Variants in CCSER1 observed in about 807,000 individuals in gnomAD.
CCSER1 encodes coiled-coil serine rich protein 1.
CCSER1 carries 41 observed loss-of-function variants against 82.0 expected under a neutral mutation model. The ratio of observed to expected loss-of-function variants is 0.50; its 90% CI spans 0.39 to 0.65. CCSER1 has a LOEUF of 0.65. Among genes scored for constraint, CCSER1 ranks in the 30% least tolerant of loss-of-function variants. The probability of loss-of-function intolerance (pLI) is 0.00; values close to 1 mark genes in which losing one functional copy is unlikely to be tolerated. For missense variants in CCSER1, 1,119 were observed against 1,064.2 expected (o/e 1.05, Z -0.72); for synonymous variants, 414 against 383.9 (o/e 1.08, Z -0.92).
intron 10 of CCSER1, among the ~76,000 whole-genome samples, chr4:91,433,813 T>C (rs962021048): frequency 3.9e-5 from 6 of 152,368 alleles, no homozygotes; most frequent in African/African-American, 1.4e-4. Context: ...GTCTTGTTTA[T>C]CAAAGTGTCC....
chr4:90,403,429 G>A (rs1753196109), intron 4 of CCSER1, among the ~76,000 whole-genome samples: 1 of 148,582 alleles, frequency 6.7e-6, no homozygotes. Context: ...AACCCGGGAG[G>A]CGGAGCTTGC....
intron 10 of CCSER1, among the ~76,000 whole-genome samples, chr4:91,481,446 G>A (rs186206913): frequency 3.1e-4 from 47 of 152,130 alleles, no homozygotes; most frequent in Admixed American, 7.9e-4. Flanking sequence ...CACAAATCAG[G>A]TTGGTTGAGG....
chr4:90,438,560 A>G (rs78782524), intron 4 of CCSER1, among the ~76,000 whole-genome samples: 2,575 of 152,288 alleles, frequency 0.017, 70 homozygotes, highest in African/African-American at 0.059. Flanking sequence ...ACAAATTTAG[A>G]AAAAGTAAAG....
intron 5 of CCSER1, among the ~76,000 whole-genome samples, chr4:90,529,643 G>GT (rs1347135926): frequency 1.3e-5 from 2 of 152,112 alleles, no homozygotes; most frequent in African/African-American, 4.8e-5. Flanking sequence ...GAAACTAGTT[G>GT]TTTTTAGAGA....
At chr4:90,872,319 G>T (rs1024567914) in intron 8 of CCSER1, among the ~76,000 whole-genome samples, 4 of 150,866 alleles carry the variant, frequency 2.7e-5, no homozygotes, top group African/African-American at 9.7e-5. Context: ...ATTTTCTCTG[G>T]TGGTATGATT....
intron 10 of CCSER1, among the ~76,000 whole-genome samples, chr4:91,337,507 A>G (rs1391465791): frequency 3.9e-5 from 6 of 152,108 alleles, no homozygotes; most frequent in Non-Finnish European, 8.8e-5. Flanking sequence ...TATTCCATGC[A>G]TTAGGCATCT....
At position 91,443,319 on chromosome 4, in the gene CCSER1, T is replaced by C. The variant is rs1363230334; in HGVS notation, c.2218-155253T>C. On this transcript the variant is annotated intron_variant, in intron 10 of 10. Transcript: ENST00000509176. ...TAAAAAATGATGAGTTCATGTGCTT[T>C]GTAGAGACATGGATGAAACTGGAAA... Among the ~76,000 whole-genome samples the C allele has an allele frequency of 3.3e-5, 5 of 152,252 alleles. 1 individual carries two copies. Among genetic ancestry groups the C allele is most frequent in the Admixed American group, 2.6e-4 (4 of 15,288 alleles).
intron 4 of CCSER1, among the ~76,000 whole-genome samples, chr4:90,420,244 A>G (rs538390429): frequency 5.3e-5 from 8 of 152,052 alleles, no homozygotes; most frequent in Non-Finnish European, 7.4e-5. Flanking sequence ...CCATTAAAAA[A>G]TATTGAACTT....
At chr4:91,111,649 A>G (rs905072307) in intron 10 of CCSER1, among the ~76,000 whole-genome samples, 4 of 151,874 alleles carry the variant, frequency 2.6e-5, no homozygotes, top group Non-Finnish European at 4.4e-5. Flanking sequence ...ATTTGTAGGT[A>G]TTAAGTAGCA....
intron 1 of CCSER1, among the ~76,000 whole-genome samples, chr4:90,246,935 T>A (rs1230024398): frequency 6.6e-6 from 1 of 152,112 alleles, no homozygotes. Context: ...GCGGCTTCTC[T>A]TTGACATATC....
intron 10 of CCSER1, among the ~76,000 whole-genome samples, chr4:91,183,319 G>T (rs188909260): frequency 1.3e-5 from 2 of 152,188 alleles, no homozygotes; most frequent in Non-Finnish European, 2.9e-5. Flanking sequence ...AGGATAGGAC[G>T]TCTGGAAAAC....
At chr4:90,398,504 C>T (rs1435403049) in intron 3 of CCSER1, among the ~76,000 whole-genome samples, 1 of 152,220 alleles carries the variant, frequency 6.6e-6, no homozygotes, top group Non-Finnish European at 1.5e-5. Flanking sequence ...ACACTCACAT[C>T]AGTGTCTTCA....
chr4:90,366,741 A>G (rs1578135379), intron 3 of CCSER1, among the ~76,000 whole-genome samples: 1 of 151,886 alleles, frequency 6.6e-6, no homozygotes, highest in African/African-American at 2.4e-5. Flanking sequence ...TGAAAACTGG[A>G]TTTAAGGGAC....
chr4:90,394,492 G>A (rs566261759), intron 3 of CCSER1, among the ~76,000 whole-genome samples: 3 of 152,202 alleles, frequency 2.0e-5, no homozygotes, highest in Admixed American at 6.5e-5. Context: ...GTTTGGTTTA[G>A]TATGTAATTT....
At chr4:90,334,458 G>A (rs886785960) in intron 3 of CCSER1, among the ~76,000 whole-genome samples, 2 of 151,942 alleles carry the variant, frequency 1.3e-5, no homozygotes, top group South Asian at 2.1e-4. Context: ...AAAAGACAGT[G>A]TTCTTTATTA....
At chr4:90,839,360 T>G (rs1762273962) in intron 8 of CCSER1, among the ~76,000 whole-genome samples, 1 of 152,110 alleles carries the variant, frequency 6.6e-6, no homozygotes, top group African/African-American at 2.4e-5. Context: ...CAAATGTGAG[T>G]GAGCTTTTTA....
At chr4:90,212,222 G>A (rs573172403) in intron 1 of CCSER1, among the ~76,000 whole-genome samples, 3 of 152,122 alleles carry the variant, frequency 2.0e-5, no homozygotes, top group South Asian at 2.1e-4. Context: ...TGAGGAGTTC[G>A]GAAAAGCAGC....
rs559266105 is a variant in CCSER1 at position 91,119,327 on chromosome 4, A to G, written c.2217+33333A>G. On this transcript the variant is annotated intron_variant, in intron 10 of 10. Coordinates refer to ENST00000509176, the MANE Select transcript of CCSER1 (RefSeq NM_001145065.2). ...ACTATTAAGCCTAAAATGAACTGCCATTGTAATGTGTTTTCAGATATGCAA... is the reference window on the plus strand; with the variant it reads ...ACTATTAAGCCTAAAATGAACTGCCGTTGTAATGTGTTTTCAGATATGCAA... Among the ~76,000 whole-genome samples, 10 of 152,140 alleles carry G rather than the reference A, an allele frequency of 6.6e-5. No individual in the cohort carries two copies. The East Asian group carries it at 1.7e-3, about 26-fold the overall frequency.
At chr4:90,222,554 A>G (rs1742342078) in intron 1 of CCSER1, among the ~76,000 whole-genome samples, 1 of 152,194 alleles carries the variant, frequency 6.6e-6, no homozygotes, top group South Asian at 2.1e-4. Flanking sequence ...AAGGGAAGGA[A>G]CAGATCACAC....
Sources: gnomAD v4.1 joint callset for allele counts (sites outside exome capture counted in the v4.1 genomes callset) on GRCh38, gnomAD v4.1.1 for gene constraint, MANE v1.5 for transcripts, NCBI Gene and HGNC (gene_info 2026-07-23, HGNC 2026-07-21) for gene names.